AKNAD1: variants seen among roughly 807,000 people sequenced by gnomAD.
The protein encoded by AKNAD1 is protein AKNAD1.
Under a neutral mutation model 90.8 loss-of-function variants are expected in AKNAD1, and 67 were observed. The observed-to-expected ratio is 0.74, with a 90% CI of 0.61 to 0.90. The LOEUF is 0.90. AKNAD1 is among the 40% of genes least tolerant of loss of function. The pLI is 0.00. For synonymous variants in AKNAD1, 327 were observed against 341.4 expected, an observed-to-expected ratio of 0.96 and a Z score of 0.46; for missense variants, 957 against 975.4, an observed-to-expected ratio of 0.98 and a Z score of 0.25.
At position 108,851,694 on chromosome 1, in the gene AKNAD1, G is replaced by A; in HGVS notation, c.971C>T (p.Thr324Ile). Residue 324 changes from threonine to isoleucine, a missense_variant, in exon 2 of 16, where the codon ACT (threonine) becomes ATT (isoleucine). By Grantham distance (89) the Thr-to-Ile change is moderately conservative. Transcript: ENST00000370001. ...TACCTGGATTTGTTGTGAAGGTTCA[G>A]TGATTTTCCCTTTCTGCTCTTGATG... ...KQHQEQKGKI[T>I]EPSQQIQMEP... 2 of 1,597,266 alleles carry A rather than the reference G, an allele frequency of 1.3e-6. No homozygotes were observed. Among genetic ancestry groups the A allele is most frequent in the Non-Finnish European group, 1.7e-6 (2 of 1,174,296 alleles).
At chr1:108,828,179 C>A (rs936181612) in intron 10 of AKNAD1, among the ~76,000 whole-genome samples, 4 of 151,812 alleles carry the variant, frequency 2.6e-5, no homozygotes, top group Admixed American at 1.3e-4. Context: ...TAGCTTTGGT[C>A]CTGGAAGTAC....
chr1:108,847,930 G>GT (rs1470724494), intron 5 of AKNAD1, among the ~76,000 whole-genome samples: 4 of 152,180 alleles, frequency 2.6e-5, no homozygotes, highest in African/African-American at 9.7e-5. Flanking sequence ...CTAGTGCCTG[G>GT]TACAGGGTCT....
In AKNAD1 at chr1:108,852,691, C is replaced by G; in HGVS notation, c.-27G>C. ...TGTGTGCAGCCCGATCGCTCTCGTC[C>G]TCTGCCTCCTGAGCTGGCTGCTGTC... On this transcript the variant is annotated 5_prime_UTR_variant, in exon 2 of 16. Coordinates refer to ENST00000370001, the MANE Select transcript of AKNAD1 (RefSeq NM_152763.5). 6.5e-7 allele frequency: 1 copy of G among 1,533,284 alleles called. No homozygotes were observed. Among genetic ancestry groups the G allele is most frequent in the Non-Finnish European group, 8.7e-7 (1 of 1,146,042 alleles). The allele number at this position is 1,533,284 out of a possible 1,614,324, so 95.0% of individuals were successfully genotyped here. A position where few individuals can be genotyped will look rare whatever the true frequency, so the allele number is the denominator to read the frequency against.
chr1:108,831,401 T>C (rs1570805415), intron 9 of AKNAD1, among the ~76,000 whole-genome samples: 1 of 152,360 alleles, frequency 6.6e-6, no homozygotes, highest in East Asian at 1.9e-4. Context: ...AACATGTTTG[T>C]GTGATGACCC....
chr1:108,827,381 G>T, intron 10 of AKNAD1, 79 bp from the exon 11 acceptor site: 1 of 1,039,618 alleles, frequency 9.6e-7, no homozygotes, highest in Non-Finnish European at 1.5e-6. Context: ...AAGTTGAAAC[G>T]TTAAATTTTG....
intron 10 of AKNAD1, 25 bp from the exon 11 acceptor site, chr1:108,827,327 G>A (rs1281914032): frequency 3.2e-6 from 5 of 1,551,062 alleles, no homozygotes; most frequent in East Asian, 4.6e-5. Flanking sequence ...ATAAGATCCT[G>A]TAAACTTTTA....
intron 6 of AKNAD1, 124 bp from the exon 7 acceptor site, chr1:108,837,830 G>A (rs539762657): frequency 3.7e-6 from 4 of 1,084,536 alleles, no homozygotes; most frequent in Non-Finnish European, 5.4e-6. Context: ...TGTCACAAAG[G>A]ATAATGGGAG....
At position 108,826,778 on chromosome 1, in the gene AKNAD1, C is replaced by T. The variant is rs1435069998; in HGVS notation, c.1936+427G>A. On this transcript the variant is annotated intron_variant, in intron 11 of 15. Transcript: ENST00000370001. ...TTTTTGAAACAGGGTCCTACTCTGT[C>T]GCCCAGGCTGGAGTACGGTGGCATG... 7.9e-5 allele frequency among the ~76,000 whole-genome samples: 11 copies of T among 138,692 alleles called. No individual in the cohort carries two copies. In the East Asian group the frequency reaches 1.7e-3, roughly 22 times the overall value. 91.0% of individuals were successfully genotyped at this position (138,692 alleles called of 152,430 possible). A position where few individuals can be genotyped will look rare whatever the true frequency, so the allele number is the denominator to read the frequency against.
At position 108,820,610 on chromosome 1, in the gene AKNAD1, T is replaced by C. The variant is rs1333130; in HGVS notation, c.2184A>G (p.Lys728=). 0.25 allele frequency: 408,566 copies of C among 1,602,990 alleles called. 60,063 individuals carry two copies. The highest frequency in any genetic ancestry group is 0.69 in the East Asian group (31,035 of 44,710). ...AATTCACTCTCTGAGAACAGATCCG[T>C]TTGGGTTTTAAAAAAGCTGAAAAAT... ...KNSSPSFLKP[K]RICSQRVNSK... The change falls in exon 14 of 16, where the codon AAA becomes AAG. Residue 728 remains lysine, a synonymous_variant. Transcript: ENST00000370001.
At chr1:108,816,398 T>C (rs559898820) in intron 15 of AKNAD1, 96 bp from the exon 16 acceptor site, 409 of 1,340,892 alleles carry the variant, frequency 3.1e-4, no homozygotes, top group Non-Finnish European at 3.9e-4. Flanking sequence ...AGGTGGAATT[T>C]GGGGAGTATT....
At chr1:108,822,074 T>C (rs12402255) in intron 13 of AKNAD1, among the ~76,000 whole-genome samples, 24,358 of 152,004 alleles carry the variant, frequency 0.16, 2,244 homozygotes, top group Non-Finnish European at 0.21. Context: ...ACTAATGAGC[T>C]CAATCTTGAT....
intron 13 of AKNAD1, among the ~76,000 whole-genome samples, chr1:108,821,269 G>A (rs1436694522): frequency 6.6e-6 from 1 of 152,092 alleles, no homozygotes; most frequent in Non-Finnish European, 1.5e-5. Context: ...TGGTCAACAT[G>A]GTGAAACCCT....
At chr1:108,847,251 C>T (rs1371866998) in intron 5 of AKNAD1, among the ~76,000 whole-genome samples, 1 of 152,034 alleles carries the variant, frequency 6.6e-6, no homozygotes. Flanking sequence ...AGTTCAAGAC[C>T]AGCCCAGCCA....
intron 5 of AKNAD1, among the ~76,000 whole-genome samples, chr1:108,847,795 T>A (rs1664744087): frequency 6.6e-6 from 1 of 152,212 alleles, no homozygotes; most frequent in African/African-American, 2.4e-5. Flanking sequence ...GAGCCTCTTC[T>A]AGGCTGCCAT....
chr1:108,844,377 C>T (rs1019067935), intron 5 of AKNAD1, among the ~76,000 whole-genome samples: 1 of 145,058 alleles, frequency 6.9e-6, no homozygotes, highest in African/African-American at 2.6e-5. Context: ...TCTCTCTCTC[C>T]ATATATATAT....
At position 108,852,682 on chromosome 1, in the gene AKNAD1, G is replaced by A. The variant is rs186073597; in HGVS notation, c.-18C>T. On this transcript the variant is annotated 5_prime_UTR_variant, in exon 2 of 16. Coordinates refer to ENST00000370001, the MANE Select transcript of AKNAD1 (RefSeq NM_152763.5). Reference sequence around the variant, plus strand: ...TCATCCATGTGTGTGCAGCCCGATCGCTCTCGTCCTCTGCCTCCTGAGCTG... The same window carrying A: ...TCATCCATGTGTGTGCAGCCCGATCACTCTCGTCCTCTGCCTCCTGAGCTG... The A allele has an allele frequency of 1.8e-4, 275 of 1,538,968 alleles. No individual in the cohort carries two copies. In the African/African-American group the frequency reaches 3.1e-3, roughly 17 times the overall value.
chr1:108,820,355 A>G (rs1663772545), intron 14 of AKNAD1, among the ~76,000 whole-genome samples, 190 bp downstream of exon 14: 1 of 152,212 alleles, frequency 6.6e-6, no homozygotes, highest in Non-Finnish European at 1.5e-5. Context: ...CTCAGTACCT[A>G]GTACAATGAC....
rs139745042 is a variant in AKNAD1 at position 108,852,910 on chromosome 1, C to A, written c.-103-143G>T. 1.6e-3 allele frequency: 608 copies of A among 379,040 alleles called. 5 individuals are homozygous for A. The highest frequency in any genetic ancestry group is 0.011 in the African/African-American group (541 of 48,366). 23.5% of individuals were successfully genotyped at this position (379,040 alleles called of 1,614,324 possible). On this transcript the variant is annotated intron_variant, in intron 1 of 15. Coordinates refer to ENST00000370001, the MANE Select transcript of AKNAD1 (RefSeq NM_152763.5). ...GAAGCTCAACCACAAGCTGACCCAACCTCAATCCACACTATGTTAACACAA... is the reference window on the plus strand; with the variant it reads ...GAAGCTCAACCACAAGCTGACCCAAACTCAATCCACACTATGTTAACACAA...
intron 3 of AKNAD1, 53 bp from the exon 4 acceptor site, chr1:108,849,113 T>TA (rs1664782101): frequency 1.4e-6 from 2 of 1,464,728 alleles, no homozygotes; most frequent in Non-Finnish European, 1.8e-6. Context: ...TTATCACAGT[T>TA]TTATTAAGTA....
Sources: allele counts gnomAD v4.1 joint callset (sites outside exome capture counted in the v4.1 genomes callset), GRCh38; gene constraint gnomAD v4.1.1; transcripts MANE v1.5; gene names NCBI Gene and HGNC (gene_info 2026-07-23, HGNC 2026-07-21).